The following RBM11 variants were observed in gnomAD, a reference collection of about 807,000 sequenced individuals.
RBM11 encodes the protein RNA binding motif protein 11.
RBM11 carries 18 observed loss-of-function variants against 21.4 expected under a neutral mutation model. The ratio of observed to expected loss-of-function variants is 0.84; its 90% CI spans 0.58 to 1.25. The LOEUF (loss-of-function observed/expected upper bound fraction) is 1.25, where lower values mean the gene tolerates loss of function less well. Ranked by LOEUF, RBM11 falls within the 50% of genes most tolerant of loss-of-function variation. The pLI, the probability that RBM11 is intolerant of heterozygous loss-of-function variation, is 0.00. For synonymous variants in RBM11, 120 were observed against 116.3 expected (o/e 1.03, Z -0.20); for missense variants, 294 against 331.9 (o/e 0.89, Z 0.89).
At chr21:14,216,552 G>A (rs2020450571) in intron 1 of RBM11, among the ~76,000 whole-genome samples, 2 of 152,170 alleles carry the variant, frequency 1.3e-5, no homozygotes, top group East Asian at 3.9e-4. Flanking sequence ...GCTTCCCAGA[G>A]GCTGCCTGGG....
intron 3 of RBM11, 80 bp downstream of exon 3, chr21:14,221,249 A>C: frequency 2.1e-6 from 3 of 1,417,782 alleles, no homozygotes; most frequent in Non-Finnish European, 1.8e-6. Context: ...ATTTTGGGCT[A>C]TTGTAAAACC....
At chr21:14,221,683 G>A (rs978921781) in intron 3 of RBM11, among the ~76,000 whole-genome samples, 29 of 152,068 alleles carry the variant, frequency 1.9e-4, no homozygotes, top group African/African-American at 6.5e-4. Flanking sequence ...TGCAATGGTA[G>A]CCTCCACATA....
rs201431914 is a variant in RBM11 at position 14,227,264 on chromosome 21, C to T, written c.817C>T (p.Arg273Ter). The T allele has an allele frequency of 2.9e-4, 466 of 1,612,514 alleles. No individual in the cohort carries two copies. The highest frequency in any genetic ancestry group is 5.7e-4 in the Admixed American group (34 of 59,758). ...NRGNECSQKF[R>*]KSKKKKRY ...AGGCAACGAATGTAGCCAAAAGTTC[C>T]GAAAGTCTAAGAAGAAGAAAAGATA... Residue 273 changes from arginine (R) to a stop codon, truncating the protein, a stop_gained, in exon 5 of 5, where the codon CGA (arginine) becomes TGA (stop). Transcript: ENST00000400577. LOFTEE classifies it high-confidence loss of function.
In RBM11 at chr21:14,227,373, C is replaced by A; in HGVS notation, c.*80C>A. 1 of 1,360,798 alleles carries A rather than the reference C, an allele frequency of 7.3e-7. No homozygotes were observed. The highest frequency in any genetic ancestry group is 9.9e-7 in the Non-Finnish European group (1 of 1,005,564). 84.3% of individuals were successfully genotyped at this position (1,360,798 alleles called of 1,614,324 possible). A position where few individuals can be genotyped will look rare whatever the true frequency, so the allele number is the denominator to read the frequency against. On this transcript the variant is annotated 3_prime_UTR_variant, in exon 5 of 5. Transcript: ENST00000400577. ...ATAAGATGTTATCCCATCAAATAAA[C>A]AATGTCATGGCTATCTTGTCTTTTG...
chr21:14,219,182 T>A (rs1263334495), intron 1 of RBM11, among the ~76,000 whole-genome samples: 1 of 152,188 alleles, frequency 6.6e-6, no homozygotes, highest in African/African-American at 2.4e-5. Flanking sequence ...TCAACCAGCA[T>A]TGAATTTCTC....
intron 3 of RBM11, among the ~76,000 whole-genome samples, chr21:14,223,850 C>T (rs1020091355): frequency 2.0e-5 from 3 of 152,124 alleles, no homozygotes; most frequent in African/African-American, 7.2e-5. Context: ...TTGTAAAAGC[C>T]AGTTTGGCCA....
chr21:14,224,516 A>G lies in RBM11; in HGVS notation c.411A>G (p.Glu137=). Residue 137 remains glutamate, a synonymous_variant, in exon 4 of 5, where the codon GAA becomes GAG. Coordinates refer to ENST00000400577, the MANE Select transcript of RBM11 (RefSeq NM_144770.5). ...TTAATAATACTTCTTTACCTCAAGA[A>G]TATTTTCTCTTTCAGAAGATGGTAA... ...FPINNTSLPQ[E]YFLFQKMQWH... is the part of the protein sequence containing the mutation. 1.9e-6 allele frequency: 3 copies of G among 1,553,356 alleles called. No homozygotes were observed. The highest frequency in any genetic ancestry group is 2.0e-5 in the Admixed American group (1 of 51,034).
intron 3 of RBM11, 146 bp from the exon 4 acceptor site, chr21:14,224,292 C>T (rs1978912594): frequency 8.2e-7 from 1 of 1,218,192 alleles, no homozygotes; most frequent in Admixed American, 3.0e-5. Flanking sequence ...ACATGTCAGC[C>T]CATCACACTT....
At chr21:14,219,521 A>ATC in intron 1 of RBM11, 42 bp from the exon 2 acceptor site, 1 of 1,382,788 alleles carries the variant, frequency 7.2e-7, no homozygotes, top group African/African-American at 1.5e-5. Flanking sequence ...TATAAAAAAA[A>ATC]TCTTTGGATT....
intron 3 of RBM11, 109 bp from the exon 4 acceptor site, chr21:14,224,329 C>T: frequency 7.0e-7 from 1 of 1,434,372 alleles, no homozygotes; most frequent in Non-Finnish European, 9.2e-7. Flanking sequence ...TTCCTCTATG[C>T]AGACAACTTT....
chr21:14,227,497 T>C lies in RBM11; in HGVS notation c.*204T>C. The C allele has an allele frequency of 1.8e-6, 1 of 557,502 alleles. No homozygotes were observed. The highest frequency in any genetic ancestry group is 3.1e-5 in the East Asian group (1 of 32,030). The allele number at this position is 557,502 out of a possible 1,614,324, so 34.5% of individuals were successfully genotyped here. A position where few individuals can be genotyped will look rare whatever the true frequency, so the allele number is the denominator to read the frequency against. On this transcript the variant is annotated 3_prime_UTR_variant, in exon 5 of 5. Transcript: ENST00000400577. ...ATAGTATAATGTACCACTTTTTGTATTTGTCATGATATTTTTGACCCATTG... is the reference window on the plus strand; with the variant it reads ...ATAGTATAATGTACCACTTTTTGTACTTGTCATGATATTTTTGACCCATTG...
chr21:14,225,517 G>A (rs539773982), intron 4 of RBM11, among the ~76,000 whole-genome samples: 2 of 152,244 alleles, frequency 1.3e-5, no homozygotes, highest in East Asian at 3.9e-4. Context: ...AGTGACAGGT[G>A]TAGGACTAAC....
rs2123417247 is a variant in RBM11, at chr21:14,227,533, G to A, written c.*240G>A. On this transcript the variant is annotated 3_prime_UTR_variant, in exon 5 of 5. Coordinates refer to ENST00000400577, the MANE Select transcript of RBM11 (RefSeq NM_144770.5). ...ATTTTTGACCCATTGGCAACAAATA[G>A]ACTATTGTCATTTTATTAGTACCAA... The A allele has an allele frequency of 2.1e-6, 1 of 468,488 alleles. No individual in the cohort carries two copies. The highest frequency in any genetic ancestry group is 3.7e-6 in the Non-Finnish European group (1 of 267,988). 29.0% of individuals were successfully genotyped at this position (468,488 alleles called of 1,614,324 possible).
Position 14,227,341 on chromosome 21 carries a change from G to GA in RBM11, c.*55dup, listed in dbSNP as rs775095856. On this transcript the variant is annotated 3_prime_UTR_variant, in exon 5 of 5. Coordinates refer to ENST00000400577, the MANE Select transcript of RBM11 (RefSeq NM_144770.5). Reference sequence around the variant, plus strand: ...CCTACACTGATCTTAGTTCTCTTATGAAAAAAATAAGATGTTATCCCATCA... The same window carrying GA: ...CCTACACTGATCTTAGTTCTCTTATGAAAAAAAATAAGATGTTATCCCATCA... The GA allele has an allele frequency of 2.0e-6, 3 of 1,507,538 alleles. No individual in the cohort carries two copies. The highest frequency in any genetic ancestry group is 2.7e-6 in the Non-Finnish European group (3 of 1,124,042). The allele number at this position is 1,507,538 out of a possible 1,614,324, so 93.4% of individuals were successfully genotyped here. A position where few individuals can be genotyped will look rare whatever the true frequency, so the allele number is the denominator to read the frequency against.
intron 4 of RBM11, among the ~76,000 whole-genome samples, chr21:14,225,716 G>T (rs7278665): frequency 6.6e-6 from 1 of 151,698 alleles, no homozygotes; most frequent in Non-Finnish European, 1.5e-5. Context: ...ATCAGTTCTC[G>T]TCTGAAACTA....
chr21:14,226,756 GTCTT>G, intron 4 of RBM11, 120 bp from the exon 5 acceptor site: 3 of 1,340,664 alleles, frequency 2.2e-6, no homozygotes, highest in Non-Finnish European at 3.0e-6. Flanking sequence ...AGAGGTCACT[GTCTT>G]TCTTATACCA....
chr21:14,222,011 C>T (rs1978705238), intron 3 of RBM11, among the ~76,000 whole-genome samples: 2 of 152,110 alleles, frequency 1.3e-5, no homozygotes, highest in Non-Finnish European at 2.9e-5. Context: ...TTAAATTTCT[C>T]TTGCTATACT....
Position 14,218,463 on chromosome 21 carries a change from T to C in RBM11, c.97-1100T>C, listed in dbSNP as rs1240091101. On this transcript the variant is annotated intron_variant, in intron 1 of 4. Transcript: ENST00000400577. Reference sequence around the variant, plus strand: ...AGTTTCAAATATGTTGAGATTGAAGTACAAAAACATAGACATCTCCAGGAG... The same window carrying C: ...AGTTTCAAATATGTTGAGATTGAAGCACAAAAACATAGACATCTCCAGGAG... Among the ~76,000 whole-genome samples the C allele has an allele frequency of 1.3e-5, 2 of 152,098 alleles. 1 individual carries two copies. Among genetic ancestry groups the C allele is most frequent in the Non-Finnish European group, 2.9e-5 (2 of 67,994 alleles).
rs1340013073 is a variant in RBM11, at chr21:14,217,734, AC to A, written c.96+1453del. Among the ~76,000 whole-genome samples the A allele has an allele frequency of 5.9e-5, 9 of 152,260 alleles. No individual in the cohort carries two copies. In the South Asian group the frequency reaches 8.3e-4, roughly 14 times the overall value. On this transcript the variant is annotated intron_variant, in intron 1 of 4. Transcript: ENST00000400577. ...AACTTACTATATTAAGTTAAAAAAA[AC>A]AACAACAAAAACCGAAAGAAATATA... is the stretch of plus-strand genomic sequence containing the variant.
Sources: allele counts gnomAD v4.1 joint callset (sites outside exome capture counted in the v4.1 genomes callset), GRCh38; gene constraint gnomAD v4.1.1; transcripts MANE v1.5; gene names NCBI Gene and HGNC (gene_info 2026-07-23, HGNC 2026-07-21).